TOM1: variants seen among roughly 807,000 people sequenced by gnomAD.
The protein encoded by TOM1 is target of myb1 membrane trafficking protein.
TOM1 carries 38 observed loss-of-function variants against 61.3 expected under a neutral mutation model. The ratio of observed to expected loss-of-function variants is 0.62; its 90% CI spans 0.48 to 0.81. TOM1 has a LOEUF of 0.81. TOM1 is among the 40% of genes least tolerant of loss of function. The probability of loss-of-function intolerance (pLI) is 0.00; values close to 1 mark genes in which losing one functional copy is unlikely to be tolerated. For missense variants in TOM1, 591 were observed against 659.6 expected, an observed-to-expected ratio of 0.90 and a Z score of 1.14; for synonymous variants, 270 against 268.8, an observed-to-expected ratio of 1.00 and a Z score of -0.04.
At position 35,323,243 on chromosome 22, in the gene TOM1, T is replaced by A; in HGVS notation, c.366+66T>A. ...GTCAGTGCAGGAGCTTCCTGCCCAG[T>A]GGAGAGTCGAGGCCATCGTGTTTGT... On this transcript the variant is annotated intron_variant, in intron 4 of 14. Coordinates refer to ENST00000449058, the MANE Select transcript of TOM1 (RefSeq NM_005488.3). This position sits in a 1 kb window ranked among gnomAD's most constrained non-coding sequence, Gnocchi z 4.2. 1 of 1,579,932 alleles carries A rather than the reference T, an allele frequency of 6.3e-7. No homozygotes were observed. Among genetic ancestry groups the A allele is most frequent in the Non-Finnish European group, 8.6e-7 (1 of 1,165,528 alleles).
rs751280686 is a variant in TOM1, at chr22:35,323,160, G to C, written c.349G>C (p.Val117Leu). ...NNPPTIVHDK[V>L]LNLIQSWADA... ...CCCACCCACCATCGTGCATGACAAA[G>C]TGCTCAACCTCATCCAGGTGAGTGC... The change falls in exon 4 of 15, where the codon GTG becomes CTG. Residue 117 changes from valine (V) to leucine (L), a missense_variant. By Grantham distance (32) the Val-to-Leu change is conservative. Transcript: ENST00000449058. The surrounding 1 kb of genome is among the most constrained non-coding windows in gnomAD (Gnocchi z 4.2). The C allele has an allele frequency of 6.2e-7, 1 of 1,613,964 alleles. No individual in the cohort carries two copies. Among genetic ancestry groups the C allele is most frequent in the African/African-American group, 1.3e-5 (1 of 75,064 alleles).
At chr22:35,334,289 TG>T (rs1424085733) in intron 10 of TOM1, 38 bp from the exon 11 acceptor site, 1 of 1,591,064 alleles carries the variant, frequency 6.3e-7, no homozygotes, top group African/African-American at 1.4e-5. Context: ...CACACAAGCT[TG>T]TGGATGGGTC....
chr22:35,333,626 C>T (rs891864088), intron 10 of TOM1, 129 bp downstream of exon 10: 2 of 832,944 alleles, frequency 2.4e-6, no homozygotes, highest in Non-Finnish European at 3.8e-6. Flanking sequence ...TTGCTGGGGT[C>T]CCAGGCTGAA....
At chr22:35,338,363 A>G (rs1191743819) in intron 11 of TOM1, among the ~76,000 whole-genome samples, 1 of 152,170 alleles carries the variant, frequency 6.6e-6, no homozygotes, top group Non-Finnish European at 1.5e-5. Context: ...AAAATAGGAA[A>G]CAAGATCTGC....
intron 6 of TOM1, among the ~76,000 whole-genome samples, chr22:35,326,262 AG>A (rs1928296008): frequency 6.6e-6 from 1 of 152,224 alleles, no homozygotes; most frequent in African/African-American, 2.4e-5. Context: ...AAACATAAAA[AG>A]GTTCTTCAGT....
At chr22:35,334,559 G>A in intron 11 of TOM1, 111 bp downstream of exon 11, 1 of 1,342,250 alleles carries the variant, frequency 7.5e-7, no homozygotes, top group East Asian at 2.3e-5. Context: ...ACCCTGCTTA[G>A]TAAGCACGCC....
intron 2 of TOM1, among the ~76,000 whole-genome samples, chr22:35,320,926 G>C (rs928601018): frequency 7.1e-6 from 1 of 140,070 alleles, no homozygotes; most frequent in South Asian, 2.4e-4. Context: ...GGGCTACAGC[G>C]AGCTGTGATT....
chr22:35,324,064 G>T, intron 6 of TOM1, 150 bp downstream of exon 6: 1 of 1,004,206 alleles, frequency 1.0e-6, no homozygotes, highest in South Asian at 1.9e-5. Context: ...CTGTTTGAGC[G>T]ATGAGACTCA....
intron 13 of TOM1, 91 bp downstream of exon 13, chr22:35,345,875 GC>G: frequency 7.6e-7 from 1 of 1,317,896 alleles, no homozygotes; most frequent in Non-Finnish European, 1.1e-6. Flanking sequence ...GACTTATATA[GC>G]ATATAGCACC....
rs1189878481 is a variant in TOM1, at chr22:35,323,690, A to T, written c.501+60A>T. ...GGAGGCAGGACTCATCCCCAGAGAC[A>T]TCACCAGGCTGGCCCCTGACTTCCT... is the stretch of plus-strand genomic sequence containing the variant. On this transcript the variant is annotated intron_variant, in intron 5 of 14. Transcript: ENST00000449058. This position sits in a 1 kb window ranked among gnomAD's most constrained non-coding sequence, Gnocchi z 4.2. The T allele has an allele frequency of 1.2e-6, 2 of 1,609,750 alleles. No homozygotes were observed. The highest frequency in any genetic ancestry group is 1.7e-6 in the Non-Finnish European group (2 of 1,176,666).
Position 35,323,620 on chromosome 22 carries a change from C to G in TOM1, c.491C>G (p.Thr164Arg). The G allele has an allele frequency of 1.2e-6, 2 of 1,614,190 alleles. No individual in the cohort carries two copies. The highest frequency in any genetic ancestry group is 1.7e-6 in the Non-Finnish European group (2 of 1,180,030). Residue 164 changes from threonine (T) to arginine (R), a missense_variant, in exon 5 of 15, where the codon ACA becomes AGA. Transcript: ENST00000449058. The surrounding 1 kb of genome is among the most constrained non-coding windows in gnomAD (Gnocchi z 4.2). ...TDLDMLSPIHTPQRTVFNSET... is the reference protein window; with the variant it reads ...TDLDMLSPIHRPQRTVFNSET... ...CTGGACATGCTGTCACCCATCCACA[C>G]ACCCCAGAGGGTGAGAGAACTGCCG...
chr22:35,328,310 T>A (rs1395883141), intron 7 of TOM1, among the ~76,000 whole-genome samples: 1 of 152,140 alleles, frequency 6.6e-6, no homozygotes, highest in East Asian at 1.9e-4. Flanking sequence ...GCCAAGGCCA[T>A]GAGATGTGAG....
rs373034912 is a variant in TOM1, at chr22:35,323,525, C to T, written c.396C>T (p.Pro132=). 4.4e-5 allele frequency: 71 copies of T among 1,614,150 alleles called. No individual in the cohort carries two copies. The highest frequency in any genetic ancestry group is 1.6e-4 in the Middle Eastern group (1 of 6,062). ...QSWADAFRSS[P]DLTGVVTIYE... is the part of the protein sequence containing the mutation. ...GGGCTGACGCGTTCCGCAGCTCGCCCGATCTGACAGGTGTGGTCACCATCT... is the reference window on the plus strand; with the variant it reads ...GGGCTGACGCGTTCCGCAGCTCGCCTGATCTGACAGGTGTGGTCACCATCT... The change falls in exon 5 of 15, where the codon CCC becomes CCT. Residue 132 remains proline, a synonymous_variant. Transcript: ENST00000449058. This position sits in a 1 kb window ranked among gnomAD's most constrained non-coding sequence, Gnocchi z 4.2.
At position 35,327,262 on chromosome 22, in the gene TOM1, G is replaced by C; in HGVS notation, c.649-9G>C. On this transcript the variant is annotated splice_polypyrimidine_tract_variant and intron_variant, in intron 6 of 14. Coordinates refer to ENST00000449058, the MANE Select transcript of TOM1 (RefSeq NM_005488.3). ...GGCTTCTCTCACCACGATCAACTGT[G>C]TGTTTCAGATTGGGAAGCTGCGCAG... The C allele has an allele frequency of 1.2e-6, 2 of 1,612,818 alleles. No homozygotes were observed. Among genetic ancestry groups the C allele is most frequent in the Non-Finnish European group, 1.7e-6 (2 of 1,178,980 alleles).
rs766507715 is a variant in TOM1, at chr22:35,323,650, G to T, written c.501+20G>T. The T allele has an allele frequency of 6.2e-7, 1 of 1,614,046 alleles. No homozygotes were observed. Among genetic ancestry groups the T allele is most frequent in the Non-Finnish European group, 8.5e-7 (1 of 1,179,948 alleles). Reference sequence around the variant, plus strand: ...CAGAGGGTGAGAGAACTGCCGTACCGGGAACCAAGGGAAGGGAGGCAGGAC... The same window carrying T: ...CAGAGGGTGAGAGAACTGCCGTACCTGGAACCAAGGGAAGGGAGGCAGGAC... On this transcript the variant is annotated intron_variant, in intron 5 of 14. Coordinates refer to ENST00000449058, the MANE Select transcript of TOM1 (RefSeq NM_005488.3). The surrounding 1 kb of genome is among the most constrained non-coding windows in gnomAD (Gnocchi z 4.2).
chr22:35,316,515 C>T (rs1927293463), intron 1 of TOM1, among the ~76,000 whole-genome samples: 1 of 152,224 alleles, frequency 6.6e-6, no homozygotes, highest in Admixed American at 6.5e-5. Context: ...TAGTGCCTCC[C>T]ACACTACAGT....
chr22:35,337,981 C>T (rs1929525641), intron 11 of TOM1, among the ~76,000 whole-genome samples: 1 of 152,218 alleles, frequency 6.6e-6, no homozygotes, highest in Admixed American at 6.5e-5. Flanking sequence ...AGCTTCTCCT[C>T]TCACTCAGGT....
intron 2 of TOM1, among the ~76,000 whole-genome samples, chr22:35,320,464 C>T (rs1204495382): frequency 6.6e-6 from 1 of 152,214 alleles, no homozygotes; most frequent in Non-Finnish European, 1.5e-5. Context: ...CCCTAGGCTT[C>T]TTCAGCCCTC....
intron 11 of TOM1, among the ~76,000 whole-genome samples, chr22:35,335,984 G>A (rs1406965347): frequency 1.3e-5 from 2 of 152,186 alleles, no homozygotes; most frequent in Non-Finnish European, 1.5e-5. Flanking sequence ...TCTTCACACA[G>A]GGAAGGGGGC....
Sources: allele counts gnomAD v4.1 joint callset (sites outside exome capture counted in the v4.1 genomes callset), GRCh38; gene constraint gnomAD v4.1.1; non-coding constraint Gnocchi (gnomAD v3.1); transcripts MANE v1.5; gene names NCBI Gene and HGNC (gene_info 2026-07-23, HGNC 2026-07-21).